Variants in PBRM1 observed in about 807,000 individuals in gnomAD.
The protein encoded by PBRM1 is protein polybromo-1.
Under a neutral mutation model 194.5 loss-of-function variants are expected in PBRM1, and 27 were observed. The ratio of observed to expected loss-of-function variants is 0.14; its 90% confidence interval spans 0.10 to 0.19. The LOEUF (loss-of-function observed/expected upper bound fraction) is 0.19, where lower values mean the gene tolerates loss of function less well. Among genes scored for constraint, PBRM1 ranks in the 10% least tolerant of loss-of-function variants. The pLI is 1.00. For missense variants in PBRM1, 1,466 were observed against 2,077.2 expected, an observed-to-expected ratio of 0.71 and a Z score of 5.72; for synonymous variants, 655 against 693.2, an observed-to-expected ratio of 0.94 and a Z score of 0.87.
At chr3:52,585,963 A>ATTTTTTTTTT (rs2092319227) in intron 20 of PBRM1, 1 of 148,788 alleles carries the variant, frequency 6.7e-6, no homozygotes, top group African/African-American at 2.5e-5. Context: ...TGAGACAGAG[A>ATTTTTTTTTT]CTCACTCTGT....
Position 52,555,624 on chromosome 3 carries a change from T to C in PBRM1, c.4454-745A>G, listed in dbSNP as rs372552927. Among the ~76,000 whole-genome samples the C allele has an allele frequency of 3.0e-4, 46 of 152,250 alleles. No individual in the cohort carries two copies. In the East Asian group the frequency reaches 4.6e-3, roughly 15 times the overall value. On this transcript the variant is annotated intron_variant, in intron 26 of 29. Coordinates refer to ENST00000296302, the Ensembl canonical transcript of PBRM1. ...ACTTTACGGAGGAATGGCTGGAGAATTGGGCTCTGCTGATATGAGAAAATG... is the reference window on the plus strand; with the variant it reads ...ACTTTACGGAGGAATGGCTGGAGAACTGGGCTCTGCTGATATGAGAAAATG...
chr3:52,634,788 T>C, exon 11 of PBRM1: 2 of 1,614,034 alleles, frequency 1.2e-6, no homozygotes, highest in Non-Finnish European at 1.7e-6. Flanking sequence ...GCTTTCTGCT[T>C]CTGACTCTCC....
intron 2 of PBRM1, among the ~76,000 whole-genome samples, chr3:52,673,280 G>A (rs929398876): frequency 3.3e-5 from 5 of 151,244 alleles, no homozygotes; most frequent in South Asian, 2.1e-4. Context: ...GAGCCACCGC[G>A]CCCAGCCATA....
At position 52,554,707 on chromosome 3, in the gene PBRM1, G is replaced by C. The variant is rs1434932226; in HGVS notation, c.4609+17C>G. 1 of 1,536,784 alleles carries C rather than the reference G, an allele frequency of 6.5e-7. No individual in the cohort carries two copies. The highest frequency in any genetic ancestry group is 8.7e-7 in the Non-Finnish European group (1 of 1,147,680). The stretch of plus-strand genomic sequence containing the variant: ...ATGAAGATGAGATTAATGAGTGAAT[G>C]AGGATGAAGTTCTTACCCGGTGGTG... On this transcript the variant is annotated intron_variant, in intron 27 of 29. Coordinates refer to ENST00000296302, the Ensembl canonical transcript of PBRM1.
At chr3:52,607,505 A>G (rs1030104970) in intron 16 of PBRM1, among the ~76,000 whole-genome samples, 2 of 152,242 alleles carry the variant, frequency 1.3e-5, no homozygotes, top group East Asian at 1.9e-4. Flanking sequence ...CATTTCATCT[A>G]TAAGACATAA....
chr3:52,558,007 T>C (rs1399886730), intron 26 of PBRM1, among the ~76,000 whole-genome samples: 1 of 152,218 alleles, frequency 6.6e-6, no homozygotes, highest in Non-Finnish European at 1.5e-5. Context: ...CACCAGACCA[T>C]GCCCACAGCC....
chr3:52,552,790 C>G (rs2081297521), intron 27 of PBRM1, among the ~76,000 whole-genome samples: 1 of 152,184 alleles, frequency 6.6e-6, no homozygotes, highest in Admixed American at 6.5e-5. Context: ...TACCCTGTAT[C>G]AAGGTGAGAG....
intron 10 of PBRM1, among the ~76,000 whole-genome samples, chr3:52,638,120 T>C (rs2095898340): frequency 6.6e-6 from 1 of 152,172 alleles, no homozygotes; most frequent in African/African-American, 2.4e-5. Context: ...AGATTACTTT[T>C]ATCTTTTCTA....
At chr3:52,573,250 T>C (rs1196297581) in intron 22 of PBRM1, among the ~76,000 whole-genome samples, 1 of 152,168 alleles carries the variant, frequency 6.6e-6, no homozygotes, top group East Asian at 1.9e-4. Flanking sequence ...GATATAAAAC[T>C]GGTAGATAAA....
intron 3 of PBRM1, among the ~76,000 whole-genome samples, chr3:52,667,905 A>G (rs1439661564): frequency 6.6e-6 from 1 of 151,980 alleles, no homozygotes; most frequent in Non-Finnish European, 1.5e-5. Context: ...AAAAAAAAAA[A>G]GAAAAAAAAA....
chr3:52,627,546 A>G (rs908873419), intron 12 of PBRM1, among the ~76,000 whole-genome samples, 176 bp from the exon 14 acceptor site: 1 of 152,246 alleles, frequency 6.6e-6, no homozygotes, highest in African/African-American at 2.4e-5. Flanking sequence ...AAAAGCCTGC[A>G]TGACAAAAAG....
intron 5 of PBRM1, among the ~76,000 whole-genome samples, chr3:52,654,525 C>T (rs935166652): frequency 1.2e-4 from 18 of 152,174 alleles, no homozygotes; most frequent in African/African-American, 4.1e-4. Flanking sequence ...AACTGTCCTG[C>T]CCCTTCAGCT....
At chr3:52,607,204 T>C (rs2153395886) in intron 16 of PBRM1, among the ~76,000 whole-genome samples, 1 of 152,328 alleles carries the variant, frequency 6.6e-6, no homozygotes, top group South Asian at 2.1e-4. Flanking sequence ...GTACTTATTC[T>C]TAATAAGTAC....
At chr3:52,594,815 T>C (rs2093409474) in intron 17 of PBRM1, among the ~76,000 whole-genome samples, 1 of 152,200 alleles carries the variant, frequency 6.6e-6, no homozygotes, top group South Asian at 2.1e-4. Context: ...ACTCTATTTC[T>C]CCTTTGCTTA....
In PBRM1 at chr3:52,571,856, C is replaced by CAAAAAAAAAAAAAAAAAAAAAAAAAAA. The variant is rs58430288; in HGVS notation, c.3691+4658_3691+4684dup. The stretch of plus-strand genomic sequence containing the variant: ...GAGCAAGAGGGATACCTCATCTCCC[C>CAAAAAAAAAAAAAAAAAAAAAAAAAAA]AAAAAAAAAAAAAAAAAAAAAAAAA... On this transcript the variant is annotated intron_variant, in intron 22 of 29. Coordinates refer to ENST00000296302, the Ensembl canonical transcript of PBRM1. Among the ~76,000 whole-genome samples the CAAAAAAAAAAAAAAAAAAAAAAAAAAA allele has an allele frequency of 5.4e-5, 2 of 37,090 alleles. 1 individual carries two copies. Among genetic ancestry groups the CAAAAAAAAAAAAAAAAAAAAAAAAAAA allele is most frequent in the African/African-American group, 2.3e-4 (2 of 8,720 alleles). The allele number at this position is 37,090 out of a possible 152,430, so 24.3% of individuals were successfully genotyped here. A position where few individuals can be genotyped will look rare whatever the true frequency, so the allele number is the denominator to read the frequency against.
At chr3:52,592,854 G>C (rs1276702915) in intron 17 of PBRM1, among the ~76,000 whole-genome samples, 6 of 152,202 alleles carry the variant, frequency 3.9e-5, no homozygotes, top group African/African-American at 1.2e-4. Flanking sequence ...GGTCTGTTCA[G>C]GGATTCAAGT....
At chr3:52,606,515 A>G (rs2094356439) in intron 16 of PBRM1, among the ~76,000 whole-genome samples, 1 of 152,204 alleles carries the variant, frequency 6.6e-6, no homozygotes. Context: ...ATCATATCGC[A>G]TGGTTTAGAA....
At chr3:52,621,393 G>A (rs917149962) in intron 13 of PBRM1, among the ~76,000 whole-genome samples, 14 of 152,116 alleles carry the variant, frequency 9.2e-5, no homozygotes, top group African/African-American at 3.4e-4. Context: ...TCGATCTCCT[G>A]ACCTCATGAT....
At chr3:52,638,645 G>C (rs1172830731) in intron 10 of PBRM1, among the ~76,000 whole-genome samples, 1 of 151,992 alleles carries the variant, frequency 6.6e-6, no homozygotes, top group Non-Finnish European at 1.5e-5. Context: ...CAAGGCTAGA[G>C]TGTAGTGGAA....
Sources: gnomAD v4.1 joint callset for allele counts (sites outside exome capture counted in the v4.1 genomes callset) on GRCh38, gnomAD v4.1.1 for gene constraint, MANE v1.5 for transcripts, NCBI Gene and HGNC (gene_info 2026-07-23, HGNC 2026-07-21) for gene names.